Variants in PLA2G5 observed in about 807,000 individuals in gnomAD.
The protein encoded by PLA2G5 is phospholipase A2 group V.
In PLA2G5, 12 loss-of-function variants were observed where a neutral mutation model predicts 15.9. The observed-to-expected ratio is 0.76, with a 90% CI of 0.48 to 1.23. PLA2G5 has a LOEUF of 1.23. Among genes scored for constraint, PLA2G5 ranks in the 50% most tolerant of loss-of-function variants. The pLI is 0.00. For synonymous variants in PLA2G5, 71 were observed against 71.4 expected (o/e 0.99, Z 0.03); for missense variants, 169 against 177.1 (o/e 0.95, Z 0.26).
At position 20,038,882 on chromosome 1, in the gene PLA2G5, G is replaced by A. The variant is rs149714395; in HGVS notation, n.276+10173G>A. On this transcript the variant is annotated intron_variant and non_coding_transcript_variant, in intron 1 of 6. Coordinates refer to the PLA2G5 transcript ENST00000460175. ...TCCTGTGGTTGTTGATGTCCTCAGC[G>A]TCAAGGGCTTTTGGAGTCCTCCTAT... Among the ~76,000 whole-genome samples, 364 of 152,324 alleles carry A rather than the reference G, an allele frequency of 2.4e-3. 2 individuals carry two copies. Among genetic ancestry groups the A allele is most frequent in the African/African-American group, 7.5e-3 (310 of 41,582 alleles).
In PLA2G5 at chr1:20,070,276, G is replaced by C. The variant is rs537771779; in HGVS notation, c.-200G>C. On this transcript the variant is annotated 5_prime_UTR_variant, in exon 1 of 5. Coordinates refer to ENST00000375108, the MANE Select transcript of PLA2G5 (RefSeq NM_000929.3). ...CACCTCCGGGTTTGTCCTCATCATC[G>C]GTCACTCCCATTCACAGCTTTAAGA... is the stretch of plus-strand genomic sequence containing the variant. 1,872 of 985,426 alleles carry C rather than the reference G, an allele frequency of 1.9e-3. No individual in the cohort carries two copies. Among genetic ancestry groups the C allele is most frequent in the Non-Finnish European group, 2.1e-3 (1,727 of 829,984 alleles). The allele number at this position is 985,426 out of a possible 1,614,324, so 61.0% of individuals were successfully genotyped here. A position where few individuals can be genotyped will look rare whatever the true frequency, so the allele number is the denominator to read the frequency against.
intron 1 of PLA2G5, among the ~76,000 whole-genome samples, chr1:20,029,541 G>A (rs746420249): frequency 2.6e-5 from 4 of 152,156 alleles, no homozygotes; most frequent in African/African-American, 4.8e-5. Flanking sequence ...CATGGCAGGC[G>A]AGGGTGGTCT....
intron 2 of PLA2G5, 46 bp from the exon 3 acceptor site, chr1:20,086,037 G>A (rs1474508656): frequency 6.2e-7 from 1 of 1,609,786 alleles, no homozygotes; most frequent in Non-Finnish European, 8.5e-7. Flanking sequence ...CCTAAAGCAG[G>A]GCTGGGCTGC....
chr1:20,087,131 C>A lies in PLA2G5; in HGVS notation c.185+904C>A, dbSNP rs372947829. Among the ~76,000 whole-genome samples the A allele has an allele frequency of 3.9e-5, 6 of 152,164 alleles. No homozygotes were observed. In the East Asian group the frequency reaches 9.6e-4, roughly 24 times the overall value. ...ACAGATGTTTACATGTGGAAGTATG[C>A]ATAGGTAGCAGTATGCATAGATATC... On this transcript the variant is annotated intron_variant, in intron 3 of 4. Transcript: ENST00000375108.
chr1:20,061,086 T>G (rs2014704014), intron 2 of PLA2G5, among the ~76,000 whole-genome samples: 1 of 152,200 alleles, frequency 6.6e-6, no homozygotes, highest in African/African-American at 2.4e-5. Flanking sequence ...AGCCTGGTGA[T>G]TCCGGACCTC....
upstream of PLA2G5, among the ~76,000 whole-genome samples, chr1:20,067,661 C>T (rs2015109594): frequency 6.6e-6 from 1 of 151,490 alleles, no homozygotes; most frequent in Admixed American, 6.6e-5. Context: ...GCACTCCAGC[C>T]TGGGCGACAG....
chr1:20,084,805 G>A lies in PLA2G5; in HGVS notation c.-10-16G>A. On this transcript the variant is annotated splice_polypyrimidine_tract_variant and intron_variant, in intron 1 of 4. Transcript: ENST00000375108. ...TTGCCTGATAGATCTGTTGTGGGAT[G>A]TGTTTTTTTTTCCAGAACCCCAGAG... is the stretch of plus-strand genomic sequence containing the variant. The A allele has an allele frequency of 6.3e-7, 1 of 1,584,842 alleles. No individual in the cohort carries two copies. Among genetic ancestry groups the A allele is most frequent in the Non-Finnish European group, 8.7e-7 (1 of 1,153,750 alleles).
intron 1 of PLA2G5, among the ~76,000 whole-genome samples, chr1:20,035,942 A>G (rs2013227107): frequency 6.6e-6 from 1 of 152,160 alleles, no homozygotes; most frequent in Non-Finnish European, 1.5e-5. Flanking sequence ...GGTAATGGCA[A>G]ATTCTCTCAG....
At position 20,056,073 on chromosome 1, in the gene PLA2G5, A is replaced by C. The variant is rs976266010; in HGVS notation, n.277-3559A>C. Among the ~76,000 whole-genome samples, 3 of 152,198 alleles carry C rather than the reference A, an allele frequency of 2.0e-5. No homozygotes were observed. The South Asian group carries it at 6.2e-4, about 32-fold the overall frequency. ...CAGAGGCTAAAAGGCTAAACACTGCATTTCCCTTTCCCTCTTTCCCCTTCT... is the reference window on the plus strand; with the variant it reads ...CAGAGGCTAAAAGGCTAAACACTGCCTTTCCCTTTCCCTCTTTCCCCTTCT... On this transcript the variant is annotated intron_variant and non_coding_transcript_variant, in intron 1 of 6. Transcript: ENST00000460175.
chr1:20,032,345 T>C (rs985948243), intron 1 of PLA2G5, among the ~76,000 whole-genome samples: 2 of 151,212 alleles, frequency 1.3e-5, no homozygotes, highest in Non-Finnish European at 3.0e-5. Flanking sequence ...AGTGACAGTG[T>C]GTGTGTGGTT....
intron 1 of PLA2G5, among the ~76,000 whole-genome samples, chr1:20,056,784 G>C (rs1267640939): frequency 1.3e-5 from 2 of 152,136 alleles, no homozygotes; most frequent in African/African-American, 4.8e-5. Flanking sequence ...AGATTGTACA[G>C]AATTAATATG....
At chr1:20,066,675 A>C (rs1313242241), upstream of PLA2G5, among the ~76,000 whole-genome samples, 1 of 152,096 alleles carries the variant, frequency 6.6e-6, no homozygotes, top group African/African-American at 2.4e-5. Flanking sequence ...TGTTTTGTGT[A>C]CATATGTAAG....
At chr1:20,068,994 C>A (rs1172955156), upstream of PLA2G5, 6 of 1,227,618 alleles carry the variant, frequency 4.9e-6, no homozygotes, top group Non-Finnish European at 6.4e-6. Context: ...CAGATACCAA[C>A]AGACCATTCG....
upstream of PLA2G5, among the ~76,000 whole-genome samples, chr1:20,069,748 A>G (rs992640761): frequency 6.6e-6 from 1 of 152,092 alleles, no homozygotes; most frequent in African/African-American, 2.4e-5. Context: ...AGATTAAAGG[A>G]CACCAAAGAG....
chr1:20,088,754 A>C (rs1046848151), intron 3 of PLA2G5: 1 of 153,720 alleles, frequency 6.5e-6, no homozygotes, highest in Non-Finnish European at 1.5e-5. Flanking sequence ...CCTGATATAA[A>C]ATGGCATAGT....
chr1:20,088,625 C>T (rs1380846900), intron 3 of PLA2G5, among the ~76,000 whole-genome samples: 1 of 152,058 alleles, frequency 6.6e-6, no homozygotes, highest in Non-Finnish European at 1.5e-5. Context: ...TGTAAGATCT[C>T]AATTATTCTG....
chr1:20,034,234 G>T (rs2013123000), intron 1 of PLA2G5, among the ~76,000 whole-genome samples: 2 of 152,154 alleles, frequency 1.3e-5, no homozygotes, highest in African/African-American at 2.4e-5. Context: ...CCTTGGTGAA[G>T]GCCTGTTCGA....
At chr1:20,029,334 TGTTCCTCCCCTGATAC>T (rs376612671) in intron 1 of PLA2G5, among the ~76,000 whole-genome samples, 1 of 145,484 alleles carries the variant, frequency 6.9e-6, no homozygotes, top group Admixed American at 6.9e-5. Context: ...GCCACCCGTG[TGTTCCTCCCCTGATAC>T]GTTCCTCCGC....
At chr1:20,060,247 C>CTTTTTTTTTTT (rs71585739) in intron 2 of PLA2G5, among the ~76,000 whole-genome samples, 55 of 83,706 alleles carry the variant, frequency 6.6e-4, no homozygotes, top group East Asian at 9.8e-4. Flanking sequence ...CTTTTTTCTT[C>CTTTTTTTTTTT]TTTTTTTTTT....
Sources: allele counts gnomAD v4.1 joint callset (sites outside exome capture counted in the v4.1 genomes callset), GRCh38; gene constraint gnomAD v4.1.1; transcripts MANE v1.5; gene names NCBI Gene and HGNC (gene_info 2026-07-23, HGNC 2026-07-21).